MYL3: variants seen among roughly 807,000 people sequenced by gnomAD.
MYL3 encodes myosin light chain 3.
MYL3 carries 11 observed loss-of-function variants against 21.3 expected under a neutral mutation model. The ratio of observed to expected loss-of-function variants is 0.52; its 90% CI spans 0.32 to 0.85. The LOEUF is 0.85. Among genes scored for constraint, MYL3 ranks in the 40% least tolerant of loss-of-function variants. MYL3 has a pLI of 0.03. For missense variants in MYL3, 206 were observed against 253.3 expected (o/e 0.81, Z 1.27); for synonymous variants, 88 against 91.6 (o/e 0.96, Z 0.22).
chr3:46,871,276 G>A (rs1056544949), intron 1 of MYL3, among the ~76,000 whole-genome samples: 1 of 152,110 alleles, frequency 6.6e-6, no homozygotes, highest in African/African-American at 2.4e-5. Flanking sequence ...GTGTGAACGT[G>A]TGTGTCTGGA....
intron 1 of MYL3, among the ~76,000 whole-genome samples, chr3:46,880,802 G>A (rs1030916057): frequency 6.6e-6 from 1 of 152,202 alleles, no homozygotes; most frequent in Non-Finnish European, 1.5e-5. Flanking sequence ...GAATGCACCT[G>A]GGAGTGCAGT....
intron 1 of MYL3, among the ~76,000 whole-genome samples, chr3:46,862,395 C>T (rs373870966): frequency 6.6e-6 from 1 of 152,204 alleles, no homozygotes; most frequent in Non-Finnish European, 1.5e-5. Context: ...GAACCCTTGC[C>T]TCAAAGGACA....
intron 1 of MYL3, among the ~76,000 whole-genome samples, chr3:46,869,304 C>A (rs1392877336): frequency 1.3e-5 from 2 of 152,210 alleles, no homozygotes; most frequent in Non-Finnish European, 2.9e-5. Context: ...TTTGCAGGGG[C>A]TCAGCAGCGG....
At chr3:46,865,631 C>G (rs79438388), upstream of MYL3, among the ~76,000 whole-genome samples, 778 of 152,316 alleles carry the variant, frequency 5.1e-3, 11 homozygotes, top group African/African-American at 0.018. This position sits in a 1 kb window ranked among gnomAD's most constrained non-coding sequence, Gnocchi z 4.3. Flanking sequence ...TGGAAACCAC[C>G]CAACGTTGGC....
At position 46,858,041 on chromosome 3, in the gene MYL3, C is replaced by T. The variant is rs1388655491; in HGVS notation, c.*74G>A. On this transcript the variant is annotated 3_prime_UTR_variant, in exon 7 of 7. Transcript: ENST00000292327. ...TCCCCTCCTTCCCACGACTCCAGGC[C>T]GCTGGTGTCAGCATCACACATGGGA... The T allele has an allele frequency of 1.2e-5, 8 of 679,988 alleles. No homozygotes were observed. Among genetic ancestry groups the T allele is most frequent in the African/African-American group, 8.9e-5 (5 of 56,316 alleles). 42.1% of individuals were successfully genotyped at this position (679,988 alleles called of 1,614,324 possible).
intron 1 of MYL3, among the ~76,000 whole-genome samples, chr3:46,873,505 C>A (rs913552167): frequency 2.0e-5 from 3 of 152,200 alleles, no homozygotes; most frequent in Non-Finnish European, 2.9e-5. Context: ...CCCTCCACCC[C>A]CAAGGAGCCC....
chr3:46,874,789 C>T lies in MYL3; in HGVS notation c.-218+7285G>A, dbSNP rs1050820264. 2.6e-5 allele frequency among the ~76,000 whole-genome samples: 4 copies of T among 152,128 alleles called. No individual in the cohort carries two copies. Among genetic ancestry groups the T allele is most frequent in the Non-Finnish European group, 2.9e-5 (2 of 68,018 alleles). On this transcript the variant is annotated intron_variant, in intron 1 of 3. Coordinates refer to the MYL3 transcript ENST00000431168. This position sits in a 1 kb window ranked among gnomAD's most constrained non-coding sequence, Gnocchi z 4.1. ...TCTGGGGATTTTACAACCACTGGAG[C>T]GGGAAATCACACTCTACCCAGAAGG...
chr3:46,873,357 C>A (rs1464270317), intron 1 of MYL3, among the ~76,000 whole-genome samples: 1 of 152,250 alleles, frequency 6.6e-6, no homozygotes, highest in East Asian at 1.9e-4. Context: ...TGAGTCTCTG[C>A]ATCTCCCAGC....
Position 46,874,053 on chromosome 3 carries a change from C to T in MYL3, c.-217-7453G>A, listed in dbSNP as rs749380968. ...CCAAAGAGGCTCACCTCAGAGGGCA[C>T]GGGTGTCGGAAGGCCTGGAGACTTG... On this transcript the variant is annotated intron_variant, in intron 1 of 3. Transcript: ENST00000431168. This position sits in a 1 kb window ranked among gnomAD's most constrained non-coding sequence, Gnocchi z 4.1. 2.0e-5 allele frequency among the ~76,000 whole-genome samples: 3 copies of T among 152,218 alleles called. No individual in the cohort carries two copies. Among genetic ancestry groups the T allele is most frequent in the South Asian group, 2.1e-4 (1 of 4,820 alleles).
chr3:46,869,231 T>C (rs1702079278), intron 1 of MYL3, among the ~76,000 whole-genome samples: 1 of 152,084 alleles, frequency 6.6e-6, no homozygotes, highest in Admixed American at 6.5e-5. Flanking sequence ...AAATATTTAT[T>C]GTCCTTGGAA....
chr3:46,861,061 G>C lies in MYL3; in HGVS notation c.130-74C>G. The C allele has an allele frequency of 1.3e-6, 2 of 1,533,544 alleles. No individual in the cohort carries two copies. The highest frequency in any genetic ancestry group is 1.8e-6 in the Non-Finnish European group (2 of 1,108,804). The allele number at this position is 1,533,544 out of a possible 1,614,324, so 95.0% of individuals were successfully genotyped here. On this transcript the variant is annotated intron_variant, in intron 1 of 6. Transcript: ENST00000292327. The surrounding 1 kb of genome is among the most constrained non-coding windows in gnomAD (Gnocchi z 4.2). ...CACACCTCCTCCTGGGCACTCGGTG[G>C]CCAGCCCAGAATGTCAACTGTCTCA...
At chr3:46,881,552 G>C (rs1244320275) in intron 1 of MYL3, among the ~76,000 whole-genome samples, 3 of 152,138 alleles carry the variant, frequency 2.0e-5, no homozygotes, top group African/African-American at 7.2e-5. Context: ...GGAGAGGCCC[G>C]GCCAGCAGCT....
chr3:46,860,627 C>A lies in MYL3; in HGVS notation c.307+49G>T. On this transcript the variant is annotated intron_variant, in intron 3 of 6. Transcript: ENST00000292327. The surrounding 1 kb of genome is among the most constrained non-coding windows in gnomAD (Gnocchi z 4.6). ...CAGGATGGATGGCAGCCCACCCAGC[C>A]AGTCTCCCCGGTACTAACACTATGG... 2 of 1,606,598 alleles carry A rather than the reference C, an allele frequency of 1.2e-6. No individual in the cohort carries two copies. The highest frequency in any genetic ancestry group is 1.1e-5 in the South Asian group (1 of 90,974).
chr3:46,873,323 A>G (rs958238253), intron 1 of MYL3, among the ~76,000 whole-genome samples: 4 of 152,344 alleles, frequency 2.6e-5, no homozygotes, highest in African/African-American at 9.6e-5. Flanking sequence ...GGGGCCAGGC[A>G]GGGAGTTGGC....
rs569660485 is a variant in MYL3, at chr3:46,870,997, C to T, written c.-217-4397G>A. On this transcript the variant is annotated intron_variant, in intron 1 of 3. Coordinates refer to the MYL3 transcript ENST00000431168. ...AGAAACCTTTGCATGCATGTTCACG[C>T]GCCTGTGCACACATATCCACACTCC... Among the ~76,000 whole-genome samples the T allele has an allele frequency of 3.2e-4, 48 of 152,290 alleles. No homozygotes were observed. The Middle Eastern group carries it at 0.01, about 32-fold the overall frequency.
chr3:46,862,333 G>A (rs996032674), intron 1 of MYL3, among the ~76,000 whole-genome samples: 1 of 152,224 alleles, frequency 6.6e-6, no homozygotes, highest in Admixed American at 6.5e-5. Context: ...AGGAAACCAC[G>A]CCTCAGAGCA....
At chr3:46,872,442 AC>A (rs200592186) in intron 1 of MYL3, among the ~76,000 whole-genome samples, 57 of 137,448 alleles carry the variant, frequency 4.1e-4, no homozygotes, top group East Asian at 4.3e-4. Context: ...GGGCCCCAAG[AC>A]CCCCCCCCTC....
chr3:46,882,182 G>A (rs2030627391), upstream of MYL3: 1 of 151,858 alleles, frequency 6.6e-6, no homozygotes, highest in Admixed American at 6.5e-5. The surrounding 1 kb of genome is among the most constrained non-coding windows in gnomAD (Gnocchi z 4.3). Flanking sequence ...CGGCTGCGGA[G>A]GGGGTGGGGG....
intron 1 of MYL3, among the ~76,000 whole-genome samples, chr3:46,870,158 T>C (rs1363985842): frequency 6.6e-6 from 1 of 151,826 alleles, no homozygotes; most frequent in East Asian, 1.9e-4. Flanking sequence ...CACGTACGCA[T>C]GCACACCATC....
Sources: gnomAD v4.1 joint callset for allele counts (sites outside exome capture counted in the v4.1 genomes callset) on GRCh38, gnomAD v4.1.1 for gene constraint, Gnocchi (gnomAD v3.1) non-coding constraint, MANE v1.5 for transcripts, NCBI Gene and HGNC (gene_info 2026-07-23, HGNC 2026-07-21) for gene names.